The following CSMD1 variants were observed in gnomAD, a reference collection of about 807,000 sequenced individuals.
CSMD1 encodes the protein CUB and Sushi multiple domains 1.
Under a neutral mutation model 417.5 loss-of-function variants are expected in CSMD1, and 213 were observed. The observed-to-expected ratio is 0.51, with a 90% CI of 0.46 to 0.57. The LOEUF is 0.57. Ranked by LOEUF, CSMD1 falls within the 20% of genes least tolerant of loss-of-function variation. The pLI is 0.00. For synonymous variants in CSMD1, 2,862 were observed against 1,736.8 expected (o/e 1.65, Z -16.11); for missense variants, 6,923 against 4,529.7 (o/e 1.53, Z -15.17).
At chr8:3,115,168 A>G (rs1340386212) in intron 42 of CSMD1, among the ~76,000 whole-genome samples, 1 of 149,018 alleles carries the variant, frequency 6.7e-6, no homozygotes, top group East Asian at 2.0e-4. Flanking sequence ...ACCAAATTCT[A>G]CTTAATCATA....
intron 25 of CSMD1, among the ~76,000 whole-genome samples, chr8:3,285,753 C>T (rs1171205770): frequency 6.6e-6 from 1 of 151,860 alleles, no homozygotes; most frequent in African/African-American, 2.4e-5. Flanking sequence ...TTTGCCTCCA[C>T]TCCACCAAAT....
intron 3 of CSMD1, among the ~76,000 whole-genome samples, chr8:4,070,640 A>C (rs1799505039): frequency 6.6e-6 from 1 of 152,130 alleles, no homozygotes; most frequent in Non-Finnish European, 1.5e-5. Context: ...TACAGGCGTG[A>C]GCCACCGTGC....
chr8:4,752,083 C>G (rs920180866), intron 1 of CSMD1, among the ~76,000 whole-genome samples: 12 of 151,644 alleles, frequency 7.9e-5, no homozygotes, highest in African/African-American at 2.9e-4. Context: ...ATATTCATGT[C>G]TGTGTGTGTG....
At chr8:4,425,865 T>G (rs534745696) in intron 2 of CSMD1, among the ~76,000 whole-genome samples, 1 of 152,220 alleles carries the variant, frequency 6.6e-6, no homozygotes, top group African/African-American at 2.4e-5. Context: ...ACTGATAAAC[T>G]TTGAATATTT....
intron 12 of CSMD1, among the ~76,000 whole-genome samples, chr8:3,439,304 TATA>T (rs1204980636): frequency 0.056 from 2,593 of 46,670 alleles, 129 homozygotes; most frequent in Non-Finnish European, 0.069. Flanking sequence ...TATATATATA[TATA>T]TATTTTTTTT....
intron 21 of CSMD1, among the ~76,000 whole-genome samples, chr8:3,352,357 T>C (rs766895619): frequency 2.6e-5 from 4 of 152,188 alleles, no homozygotes; most frequent in South Asian, 2.1e-4. Context: ...ACAGAAGGTA[T>C]AGATGTTGTG....
intron 68 of CSMD1, among the ~76,000 whole-genome samples, chr8:2,943,928 AAATC>A (rs1242268473): frequency 6.6e-6 from 1 of 152,228 alleles, no homozygotes; most frequent in Non-Finnish European, 1.5e-5. Flanking sequence ...GAAATGCAAA[AAATC>A]AATCAAATAT....
intron 5 of CSMD1, among the ~76,000 whole-genome samples, chr8:3,757,154 C>T (rs1797705411): frequency 6.6e-6 from 1 of 152,032 alleles, no homozygotes; most frequent in South Asian, 2.1e-4. Context: ...CAAATAAATC[C>T]CCTCTCTACC....
chr8:3,648,745 C>A (rs1426126583), intron 7 of CSMD1, among the ~76,000 whole-genome samples: 1 of 152,166 alleles, frequency 6.6e-6, no homozygotes, highest in East Asian at 1.9e-4. Context: ...CATGTCTGTG[C>A]ACCTGAGACA....
rs1362405753 is a variant in CSMD1 at position 3,950,097 on chromosome 8, G to T, written c.818+47806C>A. On this transcript the variant is annotated intron_variant, in intron 5 of 69. Transcript: ENST00000635120. ...AATAAAAAGAAAATCTTCCTTAAAG[G>T]CAATGATAATAATAATTAGACACGT... The T allele has an allele frequency of 6.9e-5, 30 of 432,740 alleles. 1 individual carries two copies. Among genetic ancestry groups the T allele is most frequent in the South Asian group, 3.6e-4 (22 of 60,666 alleles). 26.8% of individuals were successfully genotyped at this position (432,740 alleles called of 1,614,324 possible).
intron 23 of CSMD1, among the ~76,000 whole-genome samples, chr8:3,331,537 C>A (rs895970627): frequency 2.6e-5 from 4 of 152,172 alleles, no homozygotes; most frequent in Non-Finnish European, 5.9e-5. Context: ...ACTTATGGAA[C>A]CCTCGGTTTC....
At chr8:3,055,079 T>C (rs1221794755) in intron 49 of CSMD1, among the ~76,000 whole-genome samples, 1 of 152,204 alleles carries the variant, frequency 6.6e-6, no homozygotes, top group African/African-American at 2.4e-5. Context: ...AGTGTTCAGC[T>C]TCCTTAAAAT....
At chr8:4,492,230 C>T (rs1801740966) in intron 2 of CSMD1, among the ~76,000 whole-genome samples, 2 of 152,154 alleles carry the variant, frequency 1.3e-5, no homozygotes, top group Admixed American at 1.3e-4. Flanking sequence ...GCTGGTACTA[C>T]AGGCATATGT....
chr8:4,836,734 A>T (rs1800516922), intron 1 of CSMD1, among the ~76,000 whole-genome samples: 1 of 151,458 alleles, frequency 6.6e-6, no homozygotes, highest in Non-Finnish European at 1.5e-5. Flanking sequence ...CAAGGTCTAA[A>T]CCCCCAGATA....
chr8:3,253,233 T>G (rs997580141), intron 26 of CSMD1, among the ~76,000 whole-genome samples: 3 of 152,200 alleles, frequency 2.0e-5, no homozygotes, highest in African/African-American at 7.2e-5. Flanking sequence ...GTTGTGTCTT[T>G]GCTCTCGTTG....
intron 47 of CSMD1, among the ~76,000 whole-genome samples, chr8:3,091,952 T>A (rs1349576335): frequency 3.3e-5 from 5 of 152,210 alleles, no homozygotes; most frequent in African/African-American, 1.2e-4. Context: ...AAGTAATATG[T>A]ATTGTTGTTA....
chr8:4,439,483 G>A (rs73660806), intron 2 of CSMD1, among the ~76,000 whole-genome samples: 5,076 of 151,730 alleles, frequency 0.033, 281 homozygotes, highest in African/African-American at 0.11. Flanking sequence ...ACTTTCTTCC[G>A]TTTGACGAAC....
intron 1 of CSMD1, among the ~76,000 whole-genome samples, chr8:4,862,186 C>G (rs1212493489): frequency 2.6e-5 from 4 of 151,814 alleles, no homozygotes; most frequent in African/African-American, 9.7e-5. Flanking sequence ...GTTTATTGTT[C>G]CTTGAACCTC....
chr8:4,526,977 T>A (rs543320342), intron 2 of CSMD1, among the ~76,000 whole-genome samples: 1 of 152,336 alleles, frequency 6.6e-6, no homozygotes, highest in African/African-American at 2.4e-5. Flanking sequence ...AGATACCATC[T>A]ATCCACATCC....
Sources: allele counts gnomAD v4.1 joint callset (sites outside exome capture counted in the v4.1 genomes callset), GRCh38; gene constraint gnomAD v4.1.1; transcripts MANE v1.5; gene names NCBI Gene and HGNC (gene_info 2026-07-23, HGNC 2026-07-21).